The following PADI1 variants were observed in gnomAD, a reference collection of about 807,000 sequenced individuals.
PADI1 encodes peptidyl arginine deiminase 1.
PADI1 carries 65 observed loss-of-function variants against 74.8 expected under a neutral mutation model. That is an observed-to-expected ratio of 0.87 (90% CI 0.71 to 1.07). The LOEUF (loss-of-function observed/expected upper bound fraction) is 1.07, where lower values mean the gene tolerates loss of function less well. Among genes scored for constraint, PADI1 ranks in the 50% least tolerant of loss-of-function variants. PADI1 has a pLI of 0.00. For synonymous variants in PADI1, 371 were observed against 336.2 expected (o/e 1.10, Z -1.13); for missense variants, 943 against 854.0 (o/e 1.10, Z -1.30).
intron 1 of PADI1, among the ~76,000 whole-genome samples, chr1:17,215,810 G>A (rs2071962351): frequency 6.6e-6 from 1 of 152,182 alleles, no homozygotes. Flanking sequence ...GATGCAGACA[G>A]CATAAAACAG....
At chr1:17,233,725 G>A (rs1200457139) in intron 11 of PADI1, among the ~76,000 whole-genome samples, 1 of 152,214 alleles carries the variant, frequency 6.6e-6, no homozygotes, top group Non-Finnish European at 1.5e-5. Flanking sequence ...TTGCATAGCA[G>A]GGGTGCCCCC....
At chr1:17,219,865 A>G (rs1313091750) in intron 1 of PADI1, among the ~76,000 whole-genome samples, 1 of 152,098 alleles carries the variant, frequency 6.6e-6, no homozygotes, top group East Asian at 1.9e-4. Flanking sequence ...AGGGGAGGCC[A>G]TGCCTGCTAT....
intron 11 of PADI1, among the ~76,000 whole-genome samples, chr1:17,234,062 C>T (rs1044445989): frequency 7.2e-5 from 11 of 152,170 alleles, no homozygotes; most frequent in African/African-American, 2.7e-4. Context: ...GGGAGGAACC[C>T]GTGAGGAAGG....
chr1:17,209,409 GC>G (rs988611321), intron 1 of PADI1, among the ~76,000 whole-genome samples: 1 of 152,192 alleles, frequency 6.6e-6, no homozygotes, highest in African/African-American at 2.4e-5. Context: ...GCCCTGACAG[GC>G]CCGGGGGTTG....
rs2072867795 is a variant in PADI1, at chr1:17,245,637, A to G, written c.*1394A>G. The G allele has an allele frequency of 6.6e-6, 1 of 152,246 alleles. No individual in the cohort carries two copies. Among genetic ancestry groups the G allele is most frequent in the Admixed American group, 6.5e-5 (1 of 15,286 alleles). The allele number at this position is 152,246 out of a possible 1,614,324, so 9.4% of individuals were successfully genotyped here. A position where few individuals can be genotyped will look rare whatever the true frequency, so the allele number is the denominator to read the frequency against. ...GCTAGCCTGGAACTGCTATGGTTAA[A>G]GTGGGTGAGCGGGAACCTGAAAATC... On this transcript the variant is annotated 3_prime_UTR_variant, in exon 16 of 16. Coordinates refer to ENST00000375471, the MANE Select transcript of PADI1 (RefSeq NM_013358.3). The surrounding 1 kb of genome is among the most constrained non-coding windows in gnomAD (Gnocchi z 4.1).
intron 1 of PADI1, among the ~76,000 whole-genome samples, chr1:17,211,251 C>T (rs894815542): frequency 2.6e-5 from 4 of 151,790 alleles, no homozygotes; most frequent in Non-Finnish European, 5.9e-5. Context: ...GCTCTGTCAC[C>T]CAGGCTGGAG....
rs1229702423 is a variant in PADI1 at position 17,237,600 on chromosome 1, C to T, written c.1458+142C>T. 2.0e-5 allele frequency: 13 copies of T among 664,994 alleles called. No individual in the cohort carries two copies. The Admixed American group carries it at 4.4e-4, about 22-fold the overall frequency. The allele number at this position is 664,994 out of a possible 1,614,324, so 41.2% of individuals were successfully genotyped here. The stretch of plus-strand genomic sequence containing the variant: ...TGGGACATTTTCTGGGTCAGGGCAC[C>T]CTGACACGCTCATCCTCACACTTCC... On this transcript the variant is annotated intron_variant, in intron 12 of 15. Transcript: ENST00000375471.
chr1:17,214,244 C>T (rs752156990), intron 1 of PADI1, among the ~76,000 whole-genome samples: 12 of 152,232 alleles, frequency 7.9e-5, no homozygotes, highest in Non-Finnish European at 1.5e-4. Flanking sequence ...TTGAGTGACC[C>T]AGTTGGAGGC....
At chr1:17,232,327 A>G (rs970933731) in intron 10 of PADI1, among the ~76,000 whole-genome samples, 11 of 152,042 alleles carry the variant, frequency 7.2e-5, no homozygotes, top group African/African-American at 2.2e-4. Flanking sequence ...TGCAGTCTCC[A>G]CCTCCTGGGC....
intron 14 of PADI1, chr1:17,240,154 G>T: frequency 3.7e-6 from 1 of 272,002 alleles, no homozygotes; most frequent in Non-Finnish European, 7.1e-6. Flanking sequence ...GGGGGATCCT[G>T]TGGGAACAGG....
intron 1 of PADI1, among the ~76,000 whole-genome samples, chr1:17,206,616 G>T (rs1443565339): frequency 6.6e-6 from 1 of 151,720 alleles, no homozygotes; most frequent in Non-Finnish European, 1.5e-5. Context: ...TTAGTATATT[G>T]CATGGGAGAT....
intron 7 of PADI1, 62 bp from the exon 8 acceptor site, chr1:17,228,886 G>C (rs1277660160): frequency 6.3e-7 from 1 of 1,585,502 alleles, no homozygotes; most frequent in Non-Finnish European, 8.6e-7. Context: ...CTGGGGGCTG[G>C]GGGGGCTTGA....
intron 1 of PADI1, among the ~76,000 whole-genome samples, chr1:17,215,919 G>T (rs1211572722): frequency 6.6e-6 from 1 of 152,238 alleles, no homozygotes; most frequent in African/African-American, 2.4e-5. Flanking sequence ...CTGGAATGAA[G>T]CTGGGGTTGG....
intron 4 of PADI1, among the ~76,000 whole-genome samples, chr1:17,225,243 C>A (rs999606669): frequency 2.0e-5 from 3 of 152,202 alleles, no homozygotes; most frequent in African/African-American, 4.8e-5. Context: ...GGAAAGTAAG[C>A]CCTGCCTTGT....
At chr1:17,229,508 T>C (rs894561697) in intron 8 of PADI1, among the ~76,000 whole-genome samples, 16 of 152,230 alleles carry the variant, frequency 1.1e-4, no homozygotes, top group African/African-American at 3.9e-4. Flanking sequence ...ATCCTCATCA[T>C]GCCCTTGAGG....
chr1:17,230,273 G>A, intron 9 of PADI1, 65 bp downstream of exon 9: 1 of 1,570,986 alleles, frequency 6.4e-7, no homozygotes, highest in East Asian at 2.2e-5. Context: ...CCGCACAGGT[G>A]CCTGATGGAC....
rs1393117432 is a variant in PADI1 at position 17,238,549 on chromosome 1, G to A, written c.1459-67G>A. On this transcript the variant is annotated intron_variant, in intron 12 of 15. Coordinates refer to ENST00000375471, the MANE Select transcript of PADI1 (RefSeq NM_013358.3). ...AACTGTCAGGCCCCTCCTGAGTCCT[G>A]AGTCTGGGGTCTCCTGTGTCTAAGG... The A allele has an allele frequency of 9.7e-6, 8 of 822,402 alleles. No homozygotes were observed. In the East Asian group the frequency reaches 2.0e-4, roughly 20 times the overall value. The allele number at this position is 822,402 out of a possible 1,614,324, so 50.9% of individuals were successfully genotyped here. A position where few individuals can be genotyped will look rare whatever the true frequency, so the allele number is the denominator to read the frequency against.
At chr1:17,230,521 G>A in intron 9 of PADI1, 51 bp from the exon 10 acceptor site, 1 of 1,348,518 alleles carries the variant, frequency 7.4e-7, no homozygotes, top group Non-Finnish European at 1.0e-6. Flanking sequence ...ACCCTGTTCT[G>A]TAAACCACCC....
At chr1:17,240,799 G>C (rs746955532) in intron 15 of PADI1, 39 bp downstream of exon 15, 16 of 1,601,552 alleles carry the variant, frequency 1.0e-5, no homozygotes, top group Non-Finnish European at 1.3e-5. Flanking sequence ...GGGGGTCTGC[G>C]GGGCTCTGAG....
Sources: gnomAD v4.1 joint callset for allele counts (sites outside exome capture counted in the v4.1 genomes callset) on GRCh38, gnomAD v4.1.1 for gene constraint, Gnocchi (gnomAD v3.1) non-coding constraint, MANE v1.5 for transcripts, NCBI Gene and HGNC (gene_info 2026-07-23, HGNC 2026-07-21) for gene names.